The following NKX2-1 variants were observed in gnomAD, a reference collection of about 807,000 sequenced individuals.
NKX2-1 encodes NK2 homeobox 1.
A neutral mutation model predicts 35.1 loss-of-function variants in NKX2-1; 9 were observed. The ratio of observed to expected loss-of-function variants is 0.26; its 90% confidence interval spans 0.15 to 0.45. The LOEUF (loss-of-function observed/expected upper bound fraction) is 0.45. Among genes scored for constraint, NKX2-1 ranks in the 20% least tolerant of loss-of-function variants. The pLI, the probability that NKX2-1 is intolerant of heterozygous loss-of-function variation, is 1.00. For missense variants in NKX2-1, 509 were observed against 589.1 expected, an observed-to-expected ratio of 0.86 and a Z score of 1.41; for synonymous variants, 284 against 269.9, an observed-to-expected ratio of 1.05 and a Z score of -0.51.
At chr14:36,519,792 A>C in intron 1 of NKX2-1, 1 of 1,407,592 alleles carries the variant, frequency 7.1e-7, no homozygotes, top group Non-Finnish European at 9.3e-7. Context: ...CCCCACCCCC[A>C]TTTTTTGTGG....
In NKX2-1 at chr14:36,516,817, CAAA is replaced by C. The variant is rs5807883; in HGVS notation, c.*458_*460del. On this transcript the variant is annotated 3_prime_UTR_variant, in exon 3 of 3. Coordinates refer to ENST00000354822, the MANE Select transcript of NKX2-1 (RefSeq NM_001079668.3). ...CTCTCCCCAGCTCCCGTCCTCCCTT[CAAA>C]AAAAAAAAAAAATCCTGGTATTTAC... 7.4e-5 allele frequency: 16 copies of C among 217,412 alleles called. No individual in the cohort carries two copies. The highest frequency in any genetic ancestry group is 3.3e-4 in the East Asian group (5 of 15,314). 13.5% of individuals were successfully genotyped at this position (217,412 alleles called of 1,614,324 possible).
At position 36,517,447 on chromosome 14, in the gene NKX2-1, T is replaced by G. The variant is rs552685896; in HGVS notation, c.1037A>C (p.His346Pro). 1.3e-6 allele frequency: 2 copies of G among 1,492,360 alleles called. No homozygotes were observed. The allele number at this position is 1,492,360 out of a possible 1,614,324, so 92.4% of individuals were successfully genotyped here. A position where few individuals can be genotyped will look rare whatever the true frequency, so the allele number is the denominator to read the frequency against. ...TGCGCTGCCTGGCTGGTGGCCCGGG[T>G]GTGCGCCAAGGCCGGCGCCACCGCT... ...VGSGGAGLGAHPGHQPGSAGQ... is the reference protein window; with the variant it reads ...VGSGGAGLGAPPGHQPGSAGQ... Residue 346 changes from histidine (H) to proline (P), a missense_variant, in exon 3 of 3, where the codon CAC becomes CCC. His to Pro is a moderately conservative substitution (Grantham distance 77). Around this residue, in one of 5 missense-constraint regions of NKX2-1, gnomAD observed 212 missense variants for 227.7 expected, o/e 0.93. Coordinates refer to ENST00000354822, the MANE Select transcript of NKX2-1 (RefSeq NM_001079668.3).
Position 36,520,085 on chromosome 14 carries a change from C to T in NKX2-1, c.45G>A (p.Ala15=), listed in dbSNP as rs1455345384. ...TGCCGGGGCTGCTCCTCCCTCCCGC[C>T]GCGGCCTCCCAGCCCCGCGCCTTCC... ...GSGKARGWEA[A]AGGRSSPGRL... is the part of the protein sequence containing the mutation. Residue 15 remains alanine, a synonymous_variant, in exon 1 of 3, where the codon GCG becomes GCA. Coordinates refer to ENST00000354822, the MANE Select transcript of NKX2-1 (RefSeq NM_001079668.3). 1.2e-6 allele frequency: 2 copies of T among 1,613,032 alleles called. No individual in the cohort carries two copies. The highest frequency in any genetic ancestry group is 1.7e-6 in the Non-Finnish European group (2 of 1,179,890).
In NKX2-1 at chr14:36,517,091, A is replaced by AGGGTTGG. The variant is rs141117763; in HGVS notation, c.*186_*187insCCAACCC. On this transcript the variant is annotated 3_prime_UTR_variant, in exon 3 of 3. Coordinates refer to ENST00000354822, the MANE Select transcript of NKX2-1 (RefSeq NM_001079668.3). ...TTAAAAAAAAAAACCCACAAATTTT[A>AGGGTTGG]GGGGGGGAAAAAAAGAAAGACGTCC... 1 of 1,026,192 alleles carries AGGGTTGG rather than the reference A, an allele frequency of 9.7e-7. No individual in the cohort carries two copies. The highest frequency in any genetic ancestry group is 1.3e-6 in the Non-Finnish European group (1 of 759,258). 63.6% of individuals were successfully genotyped at this position (1,026,192 alleles called of 1,614,324 possible).
chr14:36,519,062 G>A lies in NKX2-1; in HGVS notation c.386C>T (p.Pro129Leu), dbSNP rs750364050. Residue 129 changes from proline (P) to leucine (L), a missense_variant, in exon 2 of 3, where the codon CCG becomes CTG. Pro to Leu is a moderately conservative substitution (Grantham distance 98, BLOSUM62 -3). Around this residue, in one of 5 missense-constraint regions of NKX2-1, gnomAD observed 271 missense variants for 284.1 expected, o/e 0.95. Transcript: ENST00000354822. ...GNLGNMSELP[P>L]YQDTMRNSAS... is the part of the protein sequence containing the mutation. ...GCTGTTCCTCATGGTGTCCTGGTAC[G>A]GCGGCAGCTCGCTCATGTTGCCCAG... The A allele has an allele frequency of 6.3e-7, 1 of 1,599,298 alleles. No homozygotes were observed. The highest frequency in any genetic ancestry group is 8.5e-7 in the Non-Finnish European group (1 of 1,178,798).
At position 36,517,595 on chromosome 14, in the gene NKX2-1, C is replaced by G. The variant is rs1034667803; in HGVS notation, c.889G>C (p.Gly297Arg). The change falls in exon 3 of 3, where the codon GGC becomes CGC. Residue 297 changes from glycine to arginine, a missense_variant. Gly to Arg is a moderately radical substitution (Grantham distance 125, BLOSUM62 -2). Coordinates refer to ENST00000354822, the MANE Select transcript of NKX2-1 (RefSeq NM_001079668.3). ...RVAVPVLVKD[G>R]KPCQAGAPAP... is the part of the protein sequence containing the mutation. Reference sequence around the variant, plus strand: ...GGGGCACCCGCCTGGCACGGTTTGCCGTCTTTCACCAGGACCGGCACCGCC... The same window carrying G: ...GGGGCACCCGCCTGGCACGGTTTGCGGTCTTTCACCAGGACCGGCACCGCC... The G allele has an allele frequency of 1.3e-6, 2 of 1,524,206 alleles. No individual in the cohort carries two copies. The highest frequency in any genetic ancestry group is 2.0e-5 in the Admixed American group (1 of 49,330). 94.4% of individuals were successfully genotyped at this position (1,524,206 alleles called of 1,614,324 possible). A position where few individuals can be genotyped will look rare whatever the true frequency, so the allele number is the denominator to read the frequency against.
intron 2 of NKX2-1, among the ~76,000 whole-genome samples, chr14:36,518,226 G>C (rs930523274): frequency 1.1e-4 from 16 of 152,052 alleles, no homozygotes; most frequent in Admixed American, 4.6e-4. Flanking sequence ...GTACTGGAGC[G>C]CTCACAGCCC....
chr14:36,520,226 T>A lies in NKX2-1; in HGVS notation c.-97A>T. 2 of 1,551,806 alleles carry A rather than the reference T, an allele frequency of 1.3e-6. No homozygotes were observed. Among genetic ancestry groups the A allele is most frequent in the Non-Finnish European group, 1.7e-6 (2 of 1,153,148 alleles). On this transcript the variant is annotated 5_prime_UTR_variant, in exon 1 of 3. Transcript: ENST00000354822. ...CACTGTTGGTCTACGTGTCTGTCAG[T>A]CTGTCTGCCTCTCTTCTGCCGCCGT...
chr14:36,516,701 G>T lies in NKX2-1; in HGVS notation c.*577C>A, dbSNP rs1045686887. ...TAAACAAACTATTTTCGCGGAGGGCGGTCGCCGCTGAGCCTAGGCGGCCAG... is the reference window on the plus strand; with the variant it reads ...TAAACAAACTATTTTCGCGGAGGGCTGTCGCCGCTGAGCCTAGGCGGCCAG... On this transcript the variant is annotated 3_prime_UTR_variant, in exon 3 of 3. Transcript: ENST00000354822. The T allele has an allele frequency of 4.3e-6, 1 of 233,468 alleles. No individual in the cohort carries two copies. Among genetic ancestry groups the T allele is most frequent in the Non-Finnish European group, 8.5e-6 (1 of 117,936 alleles). 14.5% of individuals were successfully genotyped at this position (233,468 alleles called of 1,614,324 possible). A position where few individuals can be genotyped will look rare whatever the true frequency, so the allele number is the denominator to read the frequency against.
chr14:36,517,118 G>T lies in NKX2-1; in HGVS notation c.*160C>A. On this transcript the variant is annotated 3_prime_UTR_variant, in exon 3 of 3. Transcript: ENST00000354822. ...GGGGGGAAAAAAAGAAAGACGTCCA[G>T]CAGTTTGGCCTTTGTGGTTTTTTTG... The T allele has an allele frequency of 1.6e-6, 2 of 1,246,914 alleles. No homozygotes were observed. Among genetic ancestry groups the T allele is most frequent in the Non-Finnish European group, 1.1e-6 (1 of 944,702 alleles). 77.2% of individuals were successfully genotyped at this position (1,246,914 alleles called of 1,614,324 possible).
rs1309419229 is a variant in NKX2-1, at chr14:36,518,061, G to T, written c.464-41C>A. On this transcript the variant is annotated intron_variant, in intron 2 of 2. Coordinates refer to ENST00000354822, the MANE Select transcript of NKX2-1 (RefSeq NM_001079668.3). ...GCACAGCGTCGGCCGGGGCCAGGCC[G>T]AGCCAGGCCACCCCTGTTTTCCGCG... 3 of 1,591,040 alleles carry T rather than the reference G, an allele frequency of 1.9e-6. No individual in the cohort carries two copies. In the East Asian group the frequency reaches 6.7e-5, roughly 36 times the overall value.
rs1301600327 is a variant in NKX2-1 at position 36,517,330 on chromosome 14, G to A, written c.1154C>T (p.Ser385Leu). 8 of 1,611,830 alleles carry A rather than the reference G, an allele frequency of 5.0e-6. No homozygotes were observed. Among genetic ancestry groups the A allele is most frequent in the East Asian group, 4.5e-5 (2 of 44,844 alleles). ...SSLSHLNSSG[S>L]DYGTMSCSTL... ...GGAGCAGGACATGGTGCCGTAGTCC[G>A]AGCCCGAGGAGTTCAGGTGGGACAG... The change falls in exon 3 of 3, where the codon TCG becomes TTG. Residue 385 changes from serine (S) to leucine (L), a missense_variant. Ser to Leu is a moderately radical substitution (Grantham distance 145, BLOSUM62 -2). Around this residue, in one of 5 missense-constraint regions of NKX2-1, gnomAD observed 212 missense variants for 227.7 expected, o/e 0.93. Coordinates refer to ENST00000354822, the MANE Select transcript of NKX2-1 (RefSeq NM_001079668.3).
rs771875499 is a variant in NKX2-1 at position 36,517,299 on chromosome 14, C to T, written c.1185G>A (p.Leu395=). The change falls in exon 3 of 3, where the codon TTG becomes TTA. Residue 395 remains leucine, a synonymous_variant. Transcript: ENST00000354822. ...SDYGTMSCST[L]LYGRTW The stretch of plus-strand genomic sequence containing the variant: ...CCTCTCACCAGGTCCGACCGTATAG[C>T]AAGGTGGAGCAGGACATGGTGCCGT... The T allele has an allele frequency of 2.5e-6, 4 of 1,610,554 alleles. No individual in the cohort carries two copies. Among genetic ancestry groups the T allele is most frequent in the East Asian group, 4.5e-5 (2 of 44,752 alleles).
intron 2 of NKX2-1, among the ~76,000 whole-genome samples, chr14:36,518,586 G>A (rs1334110698): frequency 3.3e-5 from 5 of 152,144 alleles, no homozygotes; most frequent in Non-Finnish European, 5.9e-5. Context: ...AGAGAGGGCC[G>A]GGCCGGGCGC....
At chr14:36,519,964 G>A (rs1881271996) in intron 1 of NKX2-1, 89 bp downstream of exon 1, 2 of 1,585,316 alleles carry the variant, frequency 1.3e-6, no homozygotes, top group East Asian at 4.5e-5. Flanking sequence ...GAGTTACAAA[G>A]TGGAACCACT....
In NKX2-1 at chr14:36,517,956, C is replaced by A. The variant is rs983044232; in HGVS notation, c.528G>T (p.Leu176=). Residue 176 remains leucine, a synonymous_variant, in exon 3 of 3, where the codon CTG becomes CTT. Coordinates refer to ENST00000354822, the MANE Select transcript of NKX2-1 (RefSeq NM_001079668.3). ...GGGCCATGTTCTTGCTCACGTCCCC[C>A]AGCGAGCCCAGGCCGCCCATGCCGC... is the stretch of plus-strand genomic sequence containing the variant. ...NMSGMGGLGS[L]GDVSKNMAPL... is the part of the protein sequence containing the mutation. 4 of 1,601,200 alleles carry A rather than the reference C, an allele frequency of 2.5e-6. No individual in the cohort carries two copies. Among genetic ancestry groups the A allele is most frequent in the Non-Finnish European group, 2.5e-6 (3 of 1,179,740 alleles).
intron 1 of NKX2-1, 187 bp from the exon 2 acceptor site, chr14:36,519,557 G>T (rs1333532236): frequency 2.0e-6 from 3 of 1,534,308 alleles, no homozygotes; most frequent in Non-Finnish European, 2.6e-6. Flanking sequence ...GCTGCCTCGC[G>T]TTTGTTTTAG....
intron 1 of NKX2-1, chr14:36,519,754 C>G: frequency 6.8e-7 from 1 of 1,475,016 alleles, no homozygotes; most frequent in Non-Finnish European, 9.0e-7. Context: ...AGACGAGACC[C>G]AAAGCATTTC....
chr14:36,517,808 T>C lies in NKX2-1; in HGVS notation c.676A>G (p.Ser226Gly). Reference sequence around the variant, plus strand: ...TGCGTGGGCGTCAGGTGGATCATGCTGGCCAGGTGCTCGCGCTCCGGCGCC... The same window carrying C: ...TGCGTGGGCGTCAGGTGGATCATGCCGGCCAGGTGCTCGCGCTCCGGCGCC... ...LSAPEREHLA[S>G]MIHLTPTQVK... The change falls in exon 3 of 3, where the codon AGC becomes GGC. Residue 226 changes from serine (S) to glycine (G), a missense_variant. Transcript: ENST00000354822. 1 of 1,612,808 alleles carries C rather than the reference T, an allele frequency of 6.2e-7. No individual in the cohort carries two copies. Among genetic ancestry groups the C allele is most frequent in the Non-Finnish European group, 8.5e-7 (1 of 1,179,794 alleles).
Sources: gnomAD v4.1 joint callset for allele counts (sites outside exome capture counted in the v4.1 genomes callset) on GRCh38, gnomAD v4.1.1 for gene constraint, gnomAD v4.1.1 regional missense constraint, MANE v1.5 for transcripts, NCBI Gene and HGNC (gene_info 2026-07-23, HGNC 2026-07-21) for gene names.